SPICE1: variants seen among roughly 807,000 people sequenced by gnomAD.
SPICE1 encodes spindle and centriole-associated protein 1.
In SPICE1, 75 loss-of-function variants were observed where a neutral mutation model predicts 102.7. The ratio of observed to expected loss-of-function variants is 0.73; its 90% CI spans 0.61 to 0.88. The LOEUF (loss-of-function observed/expected upper bound fraction) is 0.88, where lower values mean the gene tolerates loss of function less well. SPICE1 is among the 40% of genes least tolerant of loss of function. The pLI is 0.00. For synonymous variants in SPICE1, 308 were observed against 350.3 expected, an observed-to-expected ratio of 0.88 and a Z score of 1.35; for missense variants, 979 against 1,020.1, an observed-to-expected ratio of 0.96 and a Z score of 0.55.
intron 4 of SPICE1, among the ~76,000 whole-genome samples, chr3:113,495,047 G>A (rs866480585): frequency 5.3e-5 from 8 of 152,206 alleles, no homozygotes; most frequent in South Asian, 2.1e-4. Context: ...TGAGGCCTCT[G>A]TGTTTAAAAA....
At chr3:113,501,559 T>G (rs1303123557) in intron 3 of SPICE1, among the ~76,000 whole-genome samples, 4 of 152,108 alleles carry the variant, frequency 2.6e-5, no homozygotes, top group Non-Finnish European at 5.9e-5. Context: ...TTTTTATAAC[T>G]CAACAATAAA....
intron 7 of SPICE1, among the ~76,000 whole-genome samples, chr3:113,474,530 A>T (rs961135473): frequency 3.3e-5 from 5 of 152,202 alleles, no homozygotes; most frequent in African/African-American, 1.2e-4. Context: ...TTGACCACAA[A>T]CTTGGAAGTA....
chr3:113,450,464 G>A lies in SPICE1; in HGVS notation c.2195C>T (p.Ala732Val), dbSNP rs765988207. 2 of 1,612,716 alleles carry A rather than the reference G, an allele frequency of 1.2e-6. No homozygotes were observed. Among genetic ancestry groups the A allele is most frequent in the Admixed American group, 1.7e-5 (1 of 59,858 alleles). ...CTCCATACTTTGTCGATTCAATTCT[G>A]CAATCCGTTCCTCCATACTACCTGG... ...LTPGSMEERI[A>V]ELNRQSMEAR... is the part of the protein sequence containing the mutation. Residue 732 changes from alanine to valine, a missense_variant, in exon 15 of 18, where the codon GCA (alanine) becomes GTA (valine). Ala to Val is a moderately conservative substitution (Grantham distance 64). Transcript: ENST00000295872.
chr3:113,505,063 T>C (rs1385987327), intron 2 of SPICE1, among the ~76,000 whole-genome samples: 7 of 152,140 alleles, frequency 4.6e-5, no homozygotes, highest in Admixed American at 2.6e-4. Context: ...CACCCACATA[T>C]ACCAAAATCC....
intron 3 of SPICE1, among the ~76,000 whole-genome samples, chr3:113,502,227 T>G (rs1441515620): frequency 1.3e-5 from 2 of 152,050 alleles, no homozygotes; most frequent in African/African-American, 2.4e-5. Context: ...AATACAAAAC[T>G]TAGCCAGGCG....
intron 3 of SPICE1, among the ~76,000 whole-genome samples, chr3:113,500,695 A>G (rs1469052366): frequency 6.6e-6 from 1 of 152,160 alleles, no homozygotes; most frequent in East Asian, 1.9e-4. Flanking sequence ...CATAGTAGTT[A>G]TTTCTATTTT....
At chr3:113,510,509 C>A (rs1015265444) in intron 1 of SPICE1, among the ~76,000 whole-genome samples, 4 of 152,124 alleles carry the variant, frequency 2.6e-5, no homozygotes, top group African/African-American at 9.7e-5. Flanking sequence ...CTGACAAAAA[C>A]AAGCAATGGG....
intron 7 of SPICE1, among the ~76,000 whole-genome samples, chr3:113,488,519 CAT>C (rs1263714290): frequency 6.6e-6 from 1 of 152,152 alleles, no homozygotes; most frequent in Non-Finnish European, 1.5e-5. Flanking sequence ...CCAAATACCA[CAT>C]GTTCTTACTT....
At chr3:113,459,246 C>A (rs1369645629) in intron 12 of SPICE1, among the ~76,000 whole-genome samples, 1 of 151,946 alleles carries the variant, frequency 6.6e-6, no homozygotes, top group Non-Finnish European at 1.5e-5. Flanking sequence ...ATCACCACTC[C>A]CTAATCTCAA....
intron 3 of SPICE1, 103 bp downstream of exon 3, chr3:113,503,077 G>GAACAAC: frequency 8.2e-7 from 1 of 1,218,796 alleles, no homozygotes; most frequent in Non-Finnish European, 1.2e-6. Context: ...AAACATAACT[G>GAACAAC]AACAACTTCC....
chr3:113,506,858 G>C (rs1937123326), intron 1 of SPICE1, among the ~76,000 whole-genome samples: 1 of 152,120 alleles, frequency 6.6e-6, no homozygotes, highest in Non-Finnish European at 1.5e-5. Context: ...AGAACTCTAG[G>C]AATGCAGAAA....
At chr3:113,453,361 A>G in intron 14 of SPICE1, 105 bp downstream of exon 14, 3 of 1,432,746 alleles carry the variant, frequency 2.1e-6, no homozygotes, top group South Asian at 2.9e-5. Context: ...TCTAGCCTCA[A>G]AGCTTTCTAG....
chr3:113,499,678 T>A, intron 3 of SPICE1, 96 bp from the exon 4 acceptor site: 1 of 1,276,854 alleles, frequency 7.8e-7, no homozygotes, highest in Non-Finnish European at 1.0e-6. Context: ...CATCACTTTT[T>A]AAACTTTTTC....
At chr3:113,446,486 G>T in intron 17 of SPICE1, 103 bp downstream of exon 17, 2 of 878,506 alleles carry the variant, frequency 2.3e-6, no homozygotes, top group Non-Finnish European at 3.7e-6. Context: ...TATCATACCA[G>T]CTTTAGGATA....
chr3:113,471,790 T>C (rs996856098), intron 7 of SPICE1, among the ~76,000 whole-genome samples: 20 of 152,098 alleles, frequency 1.3e-4, no homozygotes, highest in Non-Finnish European at 2.9e-5. Flanking sequence ...AAAAAAATTT[T>C]GTTTTTTCGG....
chr3:113,501,503 G>A (rs1032732610), intron 3 of SPICE1, among the ~76,000 whole-genome samples: 1 of 152,092 alleles, frequency 6.6e-6, no homozygotes, highest in African/African-American at 2.4e-5. Context: ...GAAAATACTT[G>A]CAAATTATAT....
Position 113,444,961 on chromosome 3 carries a change from T to C in SPICE1, c.*346A>G, listed in dbSNP as rs1420067857. The C allele has an allele frequency of 6.3e-6, 1 of 159,606 alleles. No individual in the cohort carries two copies. Among genetic ancestry groups the C allele is most frequent in the African/African-American group, 2.4e-5 (1 of 41,742 alleles). The allele number at this position is 159,606 out of a possible 1,614,324, so 9.9% of individuals were successfully genotyped here. A position where few individuals can be genotyped will look rare whatever the true frequency, so the allele number is the denominator to read the frequency against. On this transcript the variant is annotated 3_prime_UTR_variant, in exon 18 of 18. Transcript: ENST00000295872. ...TTCTTCAGGAAAATAAATAAATAAA[T>C]GGATCAACTAAGATATACTAAACCT...
Position 113,443,110 on chromosome 3 carries a change from C to T in SPICE1, c.*2197G>A, listed in dbSNP as rs1447931195. The T allele has an allele frequency of 1.3e-5, 2 of 151,976 alleles. No homozygotes were observed. Among genetic ancestry groups the T allele is most frequent in the Non-Finnish European group, 2.9e-5 (2 of 68,014 alleles). 9.4% of individuals were successfully genotyped at this position (151,976 alleles called of 1,614,324 possible). A position where few individuals can be genotyped will look rare whatever the true frequency, so the allele number is the denominator to read the frequency against. On this transcript the variant is annotated 3_prime_UTR_variant, in exon 18 of 18. Transcript: ENST00000295872. The stretch of plus-strand genomic sequence containing the variant: ...AATAGTGTATTTATTTATTTATATA[C>T]CAAAAAAAATTGGCAGTGATCATTA...
chr3:113,494,992 A>C (rs1047436295), intron 4 of SPICE1, among the ~76,000 whole-genome samples: 2 of 152,368 alleles, frequency 1.3e-5, no homozygotes, highest in Non-Finnish European at 2.9e-5. Context: ...CTACAACTTT[A>C]AAAACATGAC....
Sources: gnomAD v4.1 joint callset for allele counts (sites outside exome capture counted in the v4.1 genomes callset) on GRCh38, gnomAD v4.1.1 for gene constraint, MANE v1.5 for transcripts, NCBI Gene and HGNC (gene_info 2026-07-23, HGNC 2026-07-21) for gene names.